ANK2: variants seen among roughly 807,000 people sequenced by gnomAD.
ANK2 encodes the protein ankyrin-2.
Under a neutral mutation model 360.5 loss-of-function variants are expected in ANK2, and 83 were observed. The ratio of observed to expected loss-of-function variants is 0.23; its 90% CI spans 0.19 to 0.28. The LOEUF is 0.28. Among genes scored for constraint, ANK2 ranks in the 10% least tolerant of loss-of-function variants. The probability of loss-of-function intolerance (pLI) is 1.00; values close to 1 mark genes in which losing one functional copy is unlikely to be tolerated. For missense variants in ANK2, 4,201 were observed against 4,795.7 expected, an observed-to-expected ratio of 0.88 and a Z score of 3.66; for synonymous variants, 1,740 against 1,759.5, an observed-to-expected ratio of 0.99 and a Z score of 0.28.
At chr4:112,824,378 T>C (rs2057922309) in intron 1 of ANK2, among the ~76,000 whole-genome samples, 1 of 152,142 alleles carries the variant, frequency 6.6e-6, no homozygotes, top group African/African-American at 2.4e-5. Context: ...TTAAGTTTTA[T>C]TTTTCTGGAG....
chr4:112,844,528 G>C (rs2149842938), intron 1 of ANK2, among the ~76,000 whole-genome samples: 1 of 152,274 alleles, frequency 6.6e-6, no homozygotes, highest in South Asian at 2.1e-4. Context: ...GCAATGTCAG[G>C]TGTGTACTTC....
At chr4:112,869,431 C>T (rs2071990463) in intron 1 of ANK2, among the ~76,000 whole-genome samples, 1 of 152,078 alleles carries the variant, frequency 6.6e-6, no homozygotes. Flanking sequence ...GTGCATGCCA[C>T]CACACCTGGC....
At chr4:113,189,485 T>A (rs2098613286) in intron 2 of ANK2, among the ~76,000 whole-genome samples, 1 of 152,158 alleles carries the variant, frequency 6.6e-6, no homozygotes, top group African/African-American at 2.4e-5. Flanking sequence ...AGTCAACAAA[T>A]GTTTTAGTAT....
intron 8 of ANK2, among the ~76,000 whole-genome samples, chr4:113,241,868 A>G (rs937316323): frequency 1.3e-5 from 2 of 152,200 alleles, no homozygotes; most frequent in African/African-American, 4.8e-5. Context: ...TACATTCAAT[A>G]CATATTTTGT....
At chr4:112,746,461 T>C in the ANK2 span, among the ~76,000 whole-genome samples, 1 of 150,858 alleles carries the variant, frequency 6.6e-6, no homozygotes, top group Non-Finnish European at 1.5e-5. Context: ...TGAGCTGAGA[T>C]TGCACTACTG....
At chr4:112,886,954 T>G (rs2078586545) in intron 1 of ANK2, among the ~76,000 whole-genome samples, 1 of 152,160 alleles carries the variant, frequency 6.6e-6, no homozygotes, top group Non-Finnish European at 1.5e-5. Flanking sequence ...CACAGAAACC[T>G]GTAATGCGTT....
In ANK2 at chr4:113,307,875, C is replaced by T. The variant is rs17591834; in HGVS notation, c.2549-3380C>T. On this transcript the variant is annotated intron_variant, in intron 23 of 45. Transcript: ENST00000357077. ...TCCAGTTAGTAGAAAACAGTTTTCA[C>T]GAAATTGCTTGGAAACATTGGACAA... Among the ~76,000 whole-genome samples, 1,329 of 152,106 alleles carry T rather than the reference C, an allele frequency of 8.7e-3. 133 individuals carry two copies. In the East Asian group the frequency reaches 0.22, roughly 25 times the overall value.
At position 113,232,208 on chromosome 4, in the gene ANK2, T is replaced by C; in HGVS notation, c.432T>C (p.Asp144=). 1 of 1,608,454 alleles carries C rather than the reference T, an allele frequency of 6.2e-7. No homozygotes were observed. The highest frequency in any genetic ancestry group is 8.5e-7 in the Non-Finnish European group (1 of 1,174,912). The change falls in exon 5 of 46, where the codon GAT becomes GAC. Residue 144 remains aspartate (D), a synonymous_variant. Coordinates refer to ENST00000357077, the MANE Select transcript of ANK2 (RefSeq NM_001148.6). ...LYMAAQENHI[D]VVKYLLENGA... is the part of the protein sequence containing the mutation. Reference sequence around the variant, plus strand: ...TGGCTGCCCAAGAGAATCACATTGATGTTGTAAAATATTTGCTGGAAAATG... The same window carrying C: ...TGGCTGCCCAAGAGAATCACATTGACGTTGTAAAATATTTGCTGGAAAATG...
chr4:113,160,780 A>G (rs998172544), intron 1 of ANK2, among the ~76,000 whole-genome samples: 10 of 152,230 alleles, frequency 6.6e-5, no homozygotes, highest in African/African-American at 2.4e-4. Context: ...GCCATGCACA[A>G]CATCTAGCAC....
chr4:113,223,075 T>C (rs558359682), intron 4 of ANK2, among the ~76,000 whole-genome samples: 6 of 152,316 alleles, frequency 3.9e-5, no homozygotes, highest in Non-Finnish European at 8.8e-5. Context: ...AGCTGTGCCT[T>C]CACAATATAT....
rs140831246 is a variant in ANK2, at chr4:113,296,847, T to C, written c.2475+3309T>C. 1.1e-3 allele frequency among the ~76,000 whole-genome samples: 166 copies of C among 152,322 alleles called. 1 individual carries two copies. The highest frequency in any genetic ancestry group is 5.1e-4 in the Non-Finnish European group (35 of 68,006). On this transcript the variant is annotated intron_variant, in intron 22 of 45. Coordinates refer to ENST00000357077, the MANE Select transcript of ANK2 (RefSeq NM_001148.6). Reference sequence around the variant, plus strand: ...GACATATGACTCATCCTTCCGCTAATTGATCAACCATCATCAATTATTTCT... The same window carrying C: ...GACATATGACTCATCCTTCCGCTAACTGATCAACCATCATCAATTATTTCT...
At chr4:113,021,329 G>A (rs970342475) in intron 2 of ANK2, among the ~76,000 whole-genome samples, 1 of 151,842 alleles carries the variant, frequency 6.6e-6, no homozygotes, top group African/African-American at 2.4e-5. Context: ...GTTTTTAACA[G>A]CTTCATGGGT....
chr4:113,358,158 C>G lies in ANK2; in HGVS notation c.9540C>G (p.Asp3180Glu). 1 of 1,614,048 alleles carries G rather than the reference C, an allele frequency of 6.2e-7. No homozygotes were observed. Among genetic ancestry groups the G allele is most frequent in the East Asian group, 2.2e-5 (1 of 44,864 alleles). Residue 3180 changes from aspartate (D) to glutamate (E), a missense_variant, in exon 38 of 46, where the codon GAC (aspartate) becomes GAG (glutamate). Asp to Glu is a conservative substitution (Grantham distance 45, BLOSUM62 2). Transcript: ENST00000357077. Reference sequence around the variant, plus strand: ...AAGAAACAGTGGATGATGAGGCAGACTTACTTCCAGATGACGTGAGTGAGG... The same window carrying G: ...AAGAAACAGTGGATGATGAGGCAGAGTTACTTCCAGATGACGTGAGTGAGG... ...ESKETVDDEADLLPDDVSEEV... is the reference protein window; with the variant it reads ...ESKETVDDEAELLPDDVSEEV...
At chr4:113,098,077 A>G (rs966392978) in intron 1 of ANK2, among the ~76,000 whole-genome samples, 4 of 151,526 alleles carry the variant, frequency 2.6e-5, no homozygotes, top group African/African-American at 9.7e-5. Context: ...TACTGAGTGA[A>G]ATTTATAGCA....
chr4:113,175,012 T>C (rs1471156837), intron 2 of ANK2, among the ~76,000 whole-genome samples: 1 of 152,224 alleles, frequency 6.6e-6, no homozygotes, highest in African/African-American at 2.4e-5. Context: ...ATCATGTCCA[T>C]TTCATAAGGA....
chr4:113,277,849 C>T lies in ANK2; in HGVS notation c.1696C>T (p.Pro566Ser), dbSNP rs2060790981. The T allele has an allele frequency of 2.5e-6, 4 of 1,613,120 alleles. No homozygotes were observed. The highest frequency in any genetic ancestry group is 2.7e-5 in the African/African-American group (2 of 74,892). Residue 566 changes from proline (P) to serine (S), a missense_variant, in exon 16 of 46, where the codon CCC becomes TCC. Coordinates refer to ENST00000357077, the MANE Select transcript of ANK2 (RefSeq NM_001148.6). Reference protein sequence around the residue: ...HSLATKKGFTPLHVAAKYGSL... With the variant: ...HSLATKKGFTSLHVAAKYGSL... ...CTCACATTTTCAGAAGGGTTTTACTCCCCTGCATGTAGCAGCCAAGTATGG... is the reference window on the plus strand; with the variant it reads ...CTCACATTTTCAGAAGGGTTTTACTTCCCTGCATGTAGCAGCCAAGTATGG...
intron 1 of ANK2, chr4:113,117,299 G>C (rs184123576): frequency 2.2e-6 from 1 of 456,086 alleles, no homozygotes; most frequent in East Asian, 7.0e-5. Context: ...AATGGCTCAC[G>C]CTGCTGCTTC....
At chr4:113,163,955 T>A (rs949310628) in intron 1 of ANK2, among the ~76,000 whole-genome samples, 3 of 152,082 alleles carry the variant, frequency 2.0e-5, no homozygotes, top group Admixed American at 6.6e-5. Flanking sequence ...TAACCATCAA[T>A]AGTCATTCTC....
chr4:113,101,368 C>T (rs1408515755), intron 1 of ANK2, among the ~76,000 whole-genome samples: 1 of 152,080 alleles, frequency 6.6e-6, no homozygotes, highest in South Asian at 2.1e-4. Context: ...AGTATTTCTT[C>T]TAGCTGTAAG....
Sources: gnomAD v4.1 joint callset for allele counts (sites outside exome capture counted in the v4.1 genomes callset) on GRCh38, gnomAD v4.1.1 for gene constraint, MANE v1.5 for transcripts, NCBI Gene and HGNC (gene_info 2026-07-23, HGNC 2026-07-21) for gene names.